Variants in MAP1S observed in about 807,000 individuals in gnomAD.
MAP1S encodes microtubule associated protein 1S, also known as microtubule-associated protein 1S.
A neutral mutation model predicts 60.9 loss-of-function variants in MAP1S; 27 were observed. That is an observed-to-expected ratio of 0.44 (90% confidence interval 0.33 to 0.61). The LOEUF (loss-of-function observed/expected upper bound fraction) is 0.61, where lower values mean the gene tolerates loss of function less well. Ranked by LOEUF, MAP1S falls within the 20% of genes least tolerant of loss-of-function variation. MAP1S has a pLI of 0.03. For synonymous variants in MAP1S, 826 were observed against 694.2 expected (o/e 1.19, Z -2.98); for missense variants, 1,608 against 1,486.6 (o/e 1.08, Z -1.34).
chr19:17,720,345 T>C (rs1450369775), intron 1 of MAP1S: 3 of 1,521,262 alleles, frequency 2.0e-6, no homozygotes, highest in Middle Eastern at 1.7e-4. Flanking sequence ...GAGTGTTTAG[T>C]GAGCACCTGC....
chr19:17,727,387 C>T lies in MAP1S; in HGVS notation c.2003C>T (p.Ala668Val), dbSNP rs930415505. Residue 668 changes from alanine to valine, a missense_variant, in exon 5 of 7, where the codon GCC becomes GTC. Physicochemically the swap from Ala to Val is moderately conservative, Grantham distance 64. Around this residue, in one of 4 missense-constraint regions of MAP1S, gnomAD observed 1,167 missense variants for 961.4 expected, o/e 1.21. Coordinates refer to ENST00000324096, the MANE Select transcript of MAP1S (RefSeq NM_018174.6). The surrounding 1 kb of genome is among the most constrained non-coding windows in gnomAD (Gnocchi z 4.1). ...PLRGGEAGPD[A>V]SPTVTTPTVT... ...CGGGGCGGGGAGGCCGGGCCAGACG[C>T]CTCACCCACAGTGACCACACCCACG... 3 of 1,593,936 alleles carry T rather than the reference C, an allele frequency of 1.9e-6. No homozygotes were observed. Among genetic ancestry groups the T allele is most frequent in the Middle Eastern group, 3.3e-4 (2 of 6,024 alleles).
At chr19:17,734,160 G>GA in intron 6 of MAP1S, 113 bp from the exon 7 acceptor site, 1 of 833,074 alleles carries the variant, frequency 1.2e-6, no homozygotes, top group Non-Finnish European at 1.9e-6. Context: ...GAAAAGCCAG[G>GA]AGGGGTCTCA....
At position 17,725,739 on chromosome 19, in the gene MAP1S, GA is replaced by G. The variant is rs2080411096; in HGVS notation, c.445-87del. On this transcript the variant is annotated intron_variant, in intron 4 of 6. Transcript: ENST00000324096. The surrounding 1 kb of genome is among the most constrained non-coding windows in gnomAD (Gnocchi z 4.2). Reference sequence around the variant, plus strand: ...GGGCCCTGAGGAGCAGGCCCTGGGGGAAAGGATGAGGGTGTCCTCGCCCAGT... The same window carrying G: ...GGGCCCTGAGGAGCAGGCCCTGGGGGAAGGATGAGGGTGTCCTCGCCCAGT... 1.5e-6 allele frequency: 2 copies of G among 1,338,992 alleles called. No homozygotes were observed. The highest frequency in any genetic ancestry group is 4.4e-5 in the Admixed American group (2 of 45,240). 82.9% of individuals were successfully genotyped at this position (1,338,992 alleles called of 1,614,324 possible).
At chr19:17,724,277 C>T (rs1421223826) in intron 3 of MAP1S, 69 bp downstream of exon 3, 27 of 1,287,656 alleles carry the variant, frequency 2.1e-5, no homozygotes, top group Non-Finnish European at 2.6e-5. Context: ...CTTCCTGTCT[C>T]GTGTCCTTGT....
At position 17,727,904 on chromosome 19, in the gene MAP1S, C is replaced by G; in HGVS notation, c.2520C>G (p.Ile840Met). The G allele has an allele frequency of 6.2e-7, 1 of 1,612,748 alleles. No individual in the cohort carries two copies. The highest frequency in any genetic ancestry group is 8.5e-7 in the Non-Finnish European group (1 of 1,179,814). The stretch of plus-strand genomic sequence containing the variant: ...CACCACTGCCTGACCCATCCAGCAT[C>G]TGCATGGTGGACCCCGAGATGCTGC... ...VPPPLPDPSS[I>M]CMVDPEMLPP... Residue 840 changes from isoleucine (I) to methionine (M), a missense_variant, in exon 5 of 7, where the codon ATC becomes ATG. Physicochemically the swap from Ile to Met is conservative, Grantham distance 10. Coordinates refer to ENST00000324096, the MANE Select transcript of MAP1S (RefSeq NM_018174.6). This position sits in a 1 kb window ranked among gnomAD's most constrained non-coding sequence, Gnocchi z 4.1.
chr19:17,719,991 C>A, intron 1 of MAP1S: 2 of 457,950 alleles, frequency 4.4e-6, no homozygotes, highest in Non-Finnish European at 5.8e-6. Flanking sequence ...CGCTTTGGAT[C>A]TCCAGGTCTT....
At chr19:17,730,813 ATT>A (rs906960085) in intron 5 of MAP1S, among the ~76,000 whole-genome samples, 1 of 149,306 alleles carries the variant, frequency 6.7e-6, no homozygotes, top group African/African-American at 2.5e-5. Context: ...CATTTTGTCT[ATT>A]TTTTTCTTTT....
intron 2 of MAP1S, 59 bp downstream of exon 2, chr19:17,721,096 C>A: frequency 1.5e-6 from 2 of 1,375,682 alleles, no homozygotes; most frequent in South Asian, 1.2e-5. Context: ...AAGTGCCAGC[C>A]GTGTGCCAGG....
Position 17,719,488 on chromosome 19 carries a change from C to A in MAP1S, c.-15C>A, listed in dbSNP as rs778036109. On this transcript the variant is annotated 5_prime_UTR_variant, in exon 1 of 7. Transcript: ENST00000324096. ...CCTGCGGGGCGGGCGCCGAGAACGC[C>A]GGGGCGGCCCGAAGATGGCGGCGGT... 6.4e-6 allele frequency: 8 copies of A among 1,240,888 alleles called. No individual in the cohort carries two copies. The East Asian group carries it at 2.2e-4, about 34-fold the overall frequency. 76.9% of individuals were successfully genotyped at this position (1,240,888 alleles called of 1,614,324 possible). A position where few individuals can be genotyped will look rare whatever the true frequency, so the allele number is the denominator to read the frequency against.
chr19:17,731,993 A>G (rs1223396910), intron 5 of MAP1S, among the ~76,000 whole-genome samples: 1 of 152,240 alleles, frequency 6.6e-6, no homozygotes, highest in African/African-American at 2.4e-5. Flanking sequence ...TATTGTTCAT[A>G]AAGTCTGTTG....
Position 17,719,573 on chromosome 19 carries a change from T to C in MAP1S, c.71T>C (p.Phe24Ser). 8.0e-7 allele frequency: 1 copy of C among 1,245,854 alleles called. No individual in the cohort carries two copies. The highest frequency in any genetic ancestry group is 4.1e-5 in the South Asian group (1 of 24,358). The allele number at this position is 1,245,854 out of a possible 1,614,324, so 77.2% of individuals were successfully genotyped here. Residue 24 changes from phenylalanine to serine, a missense_variant, in exon 1 of 7, where the codon TTC becomes TCC. Transcript: ENST00000324096. Reference sequence around the variant, plus strand: ...CTGCTCCTCGTGGTGGGCAGCGAGTTCGGGAGCCCGGGGCTCCTCACCTAC... The same window carrying C: ...CTGCTCCTCGTGGTGGGCAGCGAGTCCGGGAGCCCGGGGCTCCTCACCTAC... The part of the protein sequence containing the change: ...SSLLLVVGSE[F>S]GSPGLLTYVL...
Position 17,734,413 on chromosome 19 carries a change from C to T in MAP1S, c.3165C>T (p.Cys1055=). 6.2e-7 allele frequency: 1 copy of T among 1,612,382 alleles called. No homozygotes were observed. Among genetic ancestry groups the T allele is most frequent in the Admixed American group, 1.7e-5 (1 of 59,994 alleles). ...VSMQDDAFPA[C]KVEF ...TGCAGGATGACGCCTTCCCGGCCTG[C>T]AAGGTGGAGTTCTAGCCCCATCGCC... Residue 1055 remains cysteine (C), a synonymous_variant, in exon 7 of 7, where the codon TGC becomes TGT. Transcript: ENST00000324096.
intron 6 of MAP1S, among the ~76,000 whole-genome samples, chr19:17,733,654 C>T (rs1181659617): frequency 5.3e-5 from 8 of 152,158 alleles, no homozygotes; most frequent in Admixed American, 4.6e-4. Flanking sequence ...CGCAGGGCCT[C>T]GTGAAGCCTC....
chr19:17,722,573 A>T (rs986816077), intron 2 of MAP1S, among the ~76,000 whole-genome samples: 5 of 152,058 alleles, frequency 3.3e-5, no homozygotes, highest in African/African-American at 1.2e-4. Context: ...GTATGGTGAC[A>T]CCCCATCTCT....
rs2080410179 is a variant in MAP1S, at chr19:17,725,594, G to A, written c.445-235G>A. Among the ~76,000 whole-genome samples, 1 of 152,334 alleles carries A rather than the reference G, an allele frequency of 6.6e-6. No homozygotes were observed. The highest frequency in any genetic ancestry group is 1.5e-5 in the Non-Finnish European group (1 of 68,026). ...CTTGGAGGGAGCTGTGCCCTGGGAG[G>A]AGAGAATGGTGAGTGTAAAGGCCCT... On this transcript the variant is annotated intron_variant, in intron 4 of 6. Coordinates refer to ENST00000324096, the MANE Select transcript of MAP1S (RefSeq NM_018174.6). This position sits in a 1 kb window ranked among gnomAD's most constrained non-coding sequence, Gnocchi z 4.2.
chr19:17,728,447 C>G lies in MAP1S; in HGVS notation c.2788+275C>G, dbSNP rs183744755. ...AGTTTTTGGTAGAGATAGGGTCTTACTATGTTGCCTGGGCTGATTTCAAAC... is the reference window on the plus strand; with the variant it reads ...AGTTTTTGGTAGAGATAGGGTCTTAGTATGTTGCCTGGGCTGATTTCAAAC... On this transcript the variant is annotated intron_variant, in intron 5 of 6. Coordinates refer to ENST00000324096, the MANE Select transcript of MAP1S (RefSeq NM_018174.6). 9.2e-5 allele frequency among the ~76,000 whole-genome samples: 14 copies of G among 152,218 alleles called. No homozygotes were observed. The East Asian group carries it at 2.7e-3, about 29-fold the overall frequency.
rs374852485 is a variant in MAP1S, at chr19:17,727,959, G to A, written c.2575G>A (p.Val859Ile). 26 of 1,607,244 alleles carry A rather than the reference G, an allele frequency of 1.6e-5. No individual in the cohort carries two copies. The highest frequency in any genetic ancestry group is 1.9e-5 in the Non-Finnish European group (22 of 1,176,570). ...PPKTARQTEN[V>I]SRTRKPLARP... is the part of the protein sequence containing the mutation. ...CAAGACAGCACGGCAAACGGAGAAC[G>A]TCAGCCGCACCCGGAAGCCCCTGGC... is the stretch of plus-strand genomic sequence containing the variant. Residue 859 changes from valine to isoleucine, a missense_variant, in exon 5 of 7, where the codon GTC becomes ATC. Around this residue, in one of 4 missense-constraint regions of MAP1S, gnomAD observed 1,167 missense variants for 961.4 expected, o/e 1.21. Coordinates refer to ENST00000324096, the MANE Select transcript of MAP1S (RefSeq NM_018174.6). This position sits in a 1 kb window ranked among gnomAD's most constrained non-coding sequence, Gnocchi z 4.1.
intron 2 of MAP1S, among the ~76,000 whole-genome samples, chr19:17,722,444 C>CCTCT (rs2080378693): frequency 5.3e-5 from 8 of 149,896 alleles, no homozygotes; most frequent in Admixed American, 4.0e-4. Context: ...AGAGCGAGAC[C>CCTCT]CTGTCTCAAA....
intron 6 of MAP1S, among the ~76,000 whole-genome samples, chr19:17,733,926 C>G (rs1356144790): frequency 1.3e-5 from 2 of 152,156 alleles, no homozygotes; most frequent in Non-Finnish European, 2.9e-5. Context: ...GGTGCACGAC[C>G]CAGGAAAAGG....
Sources: allele counts gnomAD v4.1 joint callset (sites outside exome capture counted in the v4.1 genomes callset), GRCh38; gene constraint gnomAD v4.1.1; regional missense constraint gnomAD v4.1.1; non-coding constraint Gnocchi (gnomAD v3.1); transcripts MANE v1.5; gene names NCBI Gene and HGNC (gene_info 2026-07-23, HGNC 2026-07-21).